KDM2B: variants seen among roughly 807,000 people sequenced by gnomAD.
KDM2B encodes the protein lysine demethylase 2B, also known as lysine-specific demethylase 2B.
A neutral mutation model predicts 150.0 loss-of-function variants in KDM2B; 26 were observed. That is an observed-to-expected ratio of 0.17 (90% CI 0.13 to 0.24). The LOEUF (loss-of-function observed/expected upper bound fraction) is 0.24. Among genes scored for constraint, KDM2B ranks in the 10% least tolerant of loss-of-function variants. The probability of loss-of-function intolerance (pLI) is 1.00; values close to 1 mark genes in which losing one functional copy is unlikely to be tolerated. For synonymous variants in KDM2B, 734 were observed against 729.5 expected, an observed-to-expected ratio of 1.01 and a Z score of -0.10; for missense variants, 1,265 against 1,816.9, an observed-to-expected ratio of 0.70 and a Z score of 5.52.
rs558437066 is a variant in KDM2B, at chr12:121,579,326, G to T, written c.127-380C>A. Among the ~76,000 whole-genome samples, 479 of 152,350 alleles carry T rather than the reference G, an allele frequency of 3.1e-3. 3 individuals are homozygous for T. The highest frequency in any genetic ancestry group is 4.8e-3 in the Admixed American group (73 of 15,306). ...GCTGGCGGGGCAAATGTAGGCCCCA[G>T]GAGGAGCCGCTGCGGCGCCCGGCTC... On this transcript the variant is annotated intron_variant, in intron 1 of 22. Coordinates refer to ENST00000377071, the MANE Select transcript of KDM2B (RefSeq NM_032590.5).
rs1555308238 is a variant in KDM2B at position 121,533,848 on chromosome 12, C to A, written c.777+649G>T. On this transcript the variant is annotated intron_variant, in intron 7 of 22. Coordinates refer to ENST00000377071, the MANE Select transcript of KDM2B (RefSeq NM_032590.5). This position sits in a 1 kb window ranked among gnomAD's most constrained non-coding sequence, Gnocchi z 4.1. ...AGCGACCCTGGGCCAGGAGCCATGG[C>A]CCACGCCTACAATCCCAGCACTTTG... Among the ~76,000 whole-genome samples, 2 of 152,168 alleles carry A rather than the reference C, an allele frequency of 1.3e-5. No individual in the cohort carries two copies. The highest frequency in any genetic ancestry group is 2.9e-5 in the Non-Finnish European group (2 of 68,030).
intron 1 of KDM2B, chr12:121,579,664 A>T: frequency 7.3e-7 from 1 of 1,364,654 alleles, no homozygotes; most frequent in Non-Finnish European, 9.6e-7. Flanking sequence ...CTTCCTAAGG[A>T]GACTCCCCCA....
At chr12:121,574,673 A>AT in intron 3 of KDM2B, 80 bp from the exon 4 acceptor site, 1 of 1,316,058 alleles carries the variant, frequency 7.6e-7, no homozygotes, top group African/African-American at 1.5e-5. Context: ...GGGGGAAGCC[A>AT]TTTTTCCAAG....
At chr12:121,516,072 C>T (rs1886160994) in intron 9 of KDM2B, among the ~76,000 whole-genome samples, 1 of 152,156 alleles carries the variant, frequency 6.6e-6, no homozygotes, top group Non-Finnish European at 1.5e-5. Context: ...AGCCCCACCT[C>T]TATTCAAGAG....
rs782053347 is a variant in KDM2B at position 121,494,684 on chromosome 12, T to A, written c.1648-19A>T. On this transcript the variant is annotated intron_variant, in intron 11 of 22. Coordinates refer to ENST00000377071, the MANE Select transcript of KDM2B (RefSeq NM_032590.5). ...GGACGTTCTGTGGCCAAACAAAGCA[T>A]CCATATTAGCCCAGGGGGAAGGGGA... 5 of 1,598,650 alleles carry A rather than the reference T, an allele frequency of 3.1e-6. No homozygotes were observed.
intron 22 of KDM2B, among the ~76,000 whole-genome samples, chr12:121,435,037 GAA>G (rs113742352): frequency 2.9e-5 from 4 of 139,340 alleles, no homozygotes; most frequent in Admixed American, 2.2e-4. Context: ...CCAACAAAGG[GAA>G]AAAAAAAAAA....
rs1877472113 is a variant in KDM2B at position 121,452,553 on chromosome 12, G to A, written c.1959+567C>T. Among the ~76,000 whole-genome samples the A allele has an allele frequency of 6.6e-6, 1 of 152,256 alleles. No homozygotes were observed. Among genetic ancestry groups the A allele is most frequent in the Admixed American group, 6.5e-5 (1 of 15,292 alleles). On this transcript the variant is annotated intron_variant, in intron 13 of 22. Coordinates refer to ENST00000377071, the MANE Select transcript of KDM2B (RefSeq NM_032590.5). This position sits in a 1 kb window ranked among gnomAD's most constrained non-coding sequence, Gnocchi z 4.4. The stretch of plus-strand genomic sequence containing the variant: ...CCTGAGGAAGGCAGAGCATGTGGGT[G>A]TGTACAAGGGAATTCAAGGGCAAAC...
rs1886569095 is a variant in KDM2B, at chr12:121,520,259, G to A, written c.1047+726C>T. Among the ~76,000 whole-genome samples the A allele has an allele frequency of 6.6e-6, 1 of 152,140 alleles. No individual in the cohort carries two copies. The highest frequency in any genetic ancestry group is 2.4e-5 in the African/African-American group (1 of 41,438). On this transcript the variant is annotated intron_variant, in intron 9 of 22. Transcript: ENST00000377071. The surrounding 1 kb of genome is among the most constrained non-coding windows in gnomAD (Gnocchi z 4.5). ...CCTAGGGACACGTGATCAAGTCCTA[G>A]CACGAGAAAGGCCATGGCAAGTTCA...
rs1299819017 is a variant in KDM2B, at chr12:121,489,247, GTTTTATTTA to G, written c.1734+5323_1734+5331del. ...GGTGTGAGCCACTGCGCCCGGCCGG[GTTTTATTTA>G]TTTTATTTATTTTATTTATTTATTT... On this transcript the variant is annotated intron_variant, in intron 12 of 22. Transcript: ENST00000377071. Among the ~76,000 whole-genome samples, 223 of 151,970 alleles carry G rather than the reference GTTTTATTTA, an allele frequency of 1.5e-3. 1 individual carries two copies. The highest frequency in any genetic ancestry group is 5.2e-3 in the African/African-American group (214 of 41,440).
At chr12:121,459,072 G>A (rs562364126) in intron 12 of KDM2B, among the ~76,000 whole-genome samples, 11 of 135,964 alleles carry the variant, frequency 8.1e-5, no homozygotes, top group Admixed American at 1.5e-4. Flanking sequence ...GCAACAGAGC[G>A]AGACTCTGCC....
At chr12:121,423,665 G>A in the KDM2B span, 31 of 1,109,624 alleles carry the variant, frequency 2.8e-5, no homozygotes, top group Non-Finnish European at 4.0e-5. The surrounding 1 kb of genome is among the most constrained non-coding windows in gnomAD (Gnocchi z 4.3). Flanking sequence ...ATGTTCAAAG[G>A]CTGAAGCTAT....
chr12:121,430,525 C>T lies in KDM2B; in HGVS notation c.3830-56G>A, dbSNP rs559338082. The T allele has an allele frequency of 1.4e-5, 19 of 1,327,586 alleles. No homozygotes were observed. Among genetic ancestry groups the T allele is most frequent in the East Asian group, 2.3e-5 (1 of 43,546 alleles). The allele number at this position is 1,327,586 out of a possible 1,614,324, so 82.2% of individuals were successfully genotyped here. ...GAAGGCCAGGAGCCAGAAGCCCCCC[C>T]GCCGCCAGACCCAGGCACTCAGCAG... On this transcript the variant is annotated intron_variant, in intron 22 of 22. Coordinates refer to ENST00000377071, the MANE Select transcript of KDM2B (RefSeq NM_032590.5). This position sits in a 1 kb window ranked among gnomAD's most constrained non-coding sequence, Gnocchi z 4.4.
intron 8 of KDM2B, among the ~76,000 whole-genome samples, chr12:121,526,988 T>C (rs375815468): frequency 1.3e-5 from 2 of 151,902 alleles, no homozygotes; most frequent in Non-Finnish European, 2.9e-5. Flanking sequence ...GCCGAGATCA[T>C]GCCATTGCAC....
At chr12:121,479,884 A>G (rs1881902510) in intron 12 of KDM2B, among the ~76,000 whole-genome samples, 1 of 152,116 alleles carries the variant, frequency 6.6e-6, no homozygotes, top group South Asian at 2.1e-4. Flanking sequence ...GGCCTCCCAA[A>G]GTGCTGGGAT....
intron 9 of KDM2B, chr12:121,516,263 G>A: frequency 3.1e-6 from 1 of 320,892 alleles, no homozygotes; most frequent in Non-Finnish European, 6.0e-6. Flanking sequence ...GACCACCTGG[G>A]AATCTTTCTA....
intron 11 of KDM2B, among the ~76,000 whole-genome samples, chr12:121,496,370 T>G (rs1002161805): frequency 1.3e-5 from 2 of 152,094 alleles, no homozygotes; most frequent in African/African-American, 4.8e-5. Flanking sequence ...ACAGAAGCAC[T>G]GAGCAGGAAG....
intron 12 of KDM2B, among the ~76,000 whole-genome samples, chr12:121,478,866 T>TTGTGTGTTTGTGTGTG (rs1555297305): frequency 7.6e-6 from 1 of 131,132 alleles, no homozygotes; most frequent in East Asian, 2.4e-4. Context: ...TTTTGTTTGT[T>TTGTGTGTTTGTGTGTG]TGTGTGTGTG....
chr12:121,494,320 A>AG (rs1883676862), intron 12 of KDM2B: 1 of 420,412 alleles, frequency 2.4e-6, no homozygotes, highest in East Asian at 4.6e-5. Context: ...ACCTAACCAC[A>AG]GGGAAAGGCG....
downstream of KDM2B, among the ~76,000 whole-genome samples, chr12:121,426,866 C>T (rs370593656): frequency 2.0e-5 from 3 of 152,004 alleles, no homozygotes; most frequent in African/African-American, 4.8e-5. Flanking sequence ...TCGGGTGATT[C>T]GCCCGCCTCG....
Sources: allele counts gnomAD v4.1 joint callset (sites outside exome capture counted in the v4.1 genomes callset), GRCh38; gene constraint gnomAD v4.1.1; non-coding constraint Gnocchi (gnomAD v3.1); transcripts MANE v1.5; gene names NCBI Gene and HGNC (gene_info 2026-07-23, HGNC 2026-07-21).